Variants in VKORC1 observed in about 807,000 individuals in gnomAD.
The protein encoded by VKORC1 is phylloquinone epoxide reductase.
In VKORC1, 12 loss-of-function variants were observed where a neutral mutation model predicts 14.8. The ratio of observed to expected loss-of-function variants is 0.81; its 90% CI spans 0.52 to 1.31. The LOEUF is 1.31. VKORC1 is among the 50% of genes most tolerant of loss of function. The pLI is 0.00. For missense variants in VKORC1, 223 were observed against 215.3 expected, an observed-to-expected ratio of 1.04 and a Z score of -0.22; for synonymous variants, 94 against 92.5, an observed-to-expected ratio of 1.02 and a Z score of -0.09.
chr16:31,091,047 C>G lies in VKORC1; in HGVS notation c.*87G>C. 1 of 1,558,552 alleles carries G rather than the reference C, an allele frequency of 6.4e-7. No homozygotes were observed. The highest frequency in any genetic ancestry group is 1.2e-5 in the South Asian group (1 of 85,394). ...TAATCTAGAAGCCCCACATCTAGGG[C>G]CTTCTAGGGACCCAGATATGCCCCC... is the stretch of plus-strand genomic sequence containing the variant. On this transcript the variant is annotated 3_prime_UTR_variant, in exon 3 of 3. Transcript: ENST00000394975.
In VKORC1 at chr16:31,091,101, G is replaced by A; in HGVS notation, c.*33C>T. On this transcript the variant is annotated 3_prime_UTR_variant, in exon 3 of 3. Transcript: ENST00000394975. Reference sequence around the variant, plus strand: ...GGCAAGGCTCACATGCCAAAGCAAAGCAGATGAGGTCAGCCTGGCTTGGGT... The same window carrying A: ...GGCAAGGCTCACATGCCAAAGCAAAACAGATGAGGTCAGCCTGGCTTGGGT... 1 of 1,611,584 alleles carries A rather than the reference G, an allele frequency of 6.2e-7. No individual in the cohort carries two copies. The highest frequency in any genetic ancestry group is 8.5e-7 in the Non-Finnish European group (1 of 1,179,614).
At chr16:31,094,454 C>T in intron 1 of VKORC1, 103 bp downstream of exon 1, 1 of 1,612,934 alleles carries the variant, frequency 6.2e-7, no homozygotes, top group Non-Finnish European at 8.5e-7. Context: ...CAGTCCAGCC[C>T]CGTGTCCGTT....
intron 1 of VKORC1, chr16:31,094,228 C>A (rs756872930): frequency 1.2e-6 from 2 of 1,606,604 alleles, no homozygotes; most frequent in East Asian, 2.2e-5. Context: ...CCAACACCCC[C>A]CTTCACCTGC....
chr16:31,094,237 G>A, intron 1 of VKORC1: 1 of 1,607,606 alleles, frequency 6.2e-7, no homozygotes. Flanking sequence ...CCCTTCACCT[G>A]CGCGCCGTCC....
Position 31,091,297 on chromosome 16 carries a change from G to T in VKORC1, c.329C>A (p.Ser110Tyr). 6.2e-7 allele frequency: 1 copy of T among 1,614,152 alleles called. No individual in the cohort carries two copies. Among genetic ancestry groups the T allele is most frequent in the Non-Finnish European group, 8.5e-7 (1 of 1,180,034 alleles). Reference protein sequence around the residue: ...RWASVLMLLSSLVSLAGSVYL... With the variant: ...RWASVLMLLSYLVSLAGSVYL... ...GACAGAACCAGCGAGAGACACCAGG[G>T]AGCTCAGCAGCATCAGGACAGAGGC... is the stretch of plus-strand genomic sequence containing the variant. Residue 110 changes from serine (S) to tyrosine (Y), a missense_variant, in exon 3 of 3, where the codon TCC (serine) becomes TAC (tyrosine). Coordinates refer to ENST00000394975, the MANE Select transcript of VKORC1 (RefSeq NM_024006.6).
chr16:31,094,316 C>A, intron 1 of VKORC1: 1 of 1,612,978 alleles, frequency 6.2e-7, no homozygotes, highest in South Asian at 1.1e-5. Context: ...TATTCCTTGG[C>A]ATCCAATTCA....
intron 1 of VKORC1, chr16:31,094,118 C>T (rs1198345196): frequency 4.0e-6 from 6 of 1,511,042 alleles, no homozygotes; most frequent in Non-Finnish European, 5.3e-6. Context: ...CTCCAGCTCC[C>T]TGGCCACTCA....
Position 31,093,315 on chromosome 16 carries a change from A to G in VKORC1, c.280T>C (p.Leu94=), listed in dbSNP as rs765419325. The change falls in exon 2 of 3, where the codon TTA becomes CTA. Residue 94 remains leucine (L), a synonymous_variant. Transcript: ENST00000394975. ...GCIFYTLQLL[L]GCLRTRWASV... Reference sequence around the variant, plus strand: ...GGGAGGGGGCGGAGCCACTCACCTAACAATAGCTGTAGTGTGTAGAAGATG... The same window carrying G: ...GGGAGGGGGCGGAGCCACTCACCTAGCAATAGCTGTAGTGTGTAGAAGATG... 1 of 1,613,526 alleles carries G rather than the reference A, an allele frequency of 6.2e-7. No homozygotes were observed. The highest frequency in any genetic ancestry group is 2.2e-5 in the East Asian group (1 of 44,870).
At chr16:31,093,178 C>T (rs2057301058) in intron 2 of VKORC1, 134 bp downstream of exon 2, 3 of 941,430 alleles carry the variant, frequency 3.2e-6, no homozygotes, top group African/African-American at 1.6e-5. Context: ...TCCCCACCCG[C>T]AGGACGCTCC....
chr16:31,093,183 C>T, intron 2 of VKORC1, 129 bp downstream of exon 2: 1 of 975,922 alleles, frequency 1.0e-6, no homozygotes, highest in Non-Finnish European at 1.5e-6. Context: ...ACCCGCAGGA[C>T]GCTCCGTGAT....
Position 31,091,024 on chromosome 16 carries a change from A to G in VKORC1, c.*110T>C, listed in dbSNP as rs1303595586. ...GCGGGTATGGCAGGAGGAGGGGGTA[A>G]TCTAGAAGCCCCACATCTAGGGCCT... On this transcript the variant is annotated 3_prime_UTR_variant, in exon 3 of 3. Coordinates refer to ENST00000394975, the MANE Select transcript of VKORC1 (RefSeq NM_024006.6). The G allele has an allele frequency of 2.6e-6, 4 of 1,524,450 alleles. No individual in the cohort carries two copies. In the African/African-American group the frequency reaches 5.5e-5, roughly 21 times the overall value. 94.4% of individuals were successfully genotyped at this position (1,524,450 alleles called of 1,614,324 possible).
chr16:31,093,699 CTTTTTTTTTTTTTT>C lies in VKORC1; in HGVS notation c.174-292_174-279del, dbSNP rs71151446. On this transcript the variant is annotated intron_variant, in intron 1 of 2. Coordinates refer to ENST00000394975, the MANE Select transcript of VKORC1 (RefSeq NM_024006.6). ...TTCATCTTAGACCTTAAGTAAGTCT[CTTTTTTTTTTTTTT>C]TTTTTTTTTTTTTGAGACGGAGTCT... is the stretch of plus-strand genomic sequence containing the variant. 1.0e-3 allele frequency: 69 copies of C among 68,098 alleles called. 2 individuals carry two copies. Among genetic ancestry groups the C allele is most frequent in the African/African-American group, 4.4e-3 (60 of 13,554 alleles). 4.2% of individuals were successfully genotyped at this position (68,098 alleles called of 1,614,324 possible).
intron 1 of VKORC1, chr16:31,094,230 T>C (rs778587284): frequency 6.2e-7 from 1 of 1,606,680 alleles, no homozygotes; most frequent in Admixed American, 1.7e-5. Context: ...AACACCCCCC[T>C]TCACCTGCGC....
Position 31,094,702 on chromosome 16 carries a change from A to C in VKORC1, c.28T>G (p.Trp10Gly). 6.2e-7 allele frequency: 1 copy of C among 1,608,612 alleles called. No individual in the cohort carries two copies. The highest frequency in any genetic ancestry group is 8.5e-7 in the Non-Finnish European group (1 of 1,178,990). Residue 10 changes from tryptophan (W) to glycine (G), a missense_variant, in exon 1 of 3, where the codon TGG becomes GGG. Trp to Gly is a radical substitution (Grantham distance 184, BLOSUM62 -2). Coordinates refer to ENST00000394975, the MANE Select transcript of VKORC1 (RefSeq NM_024006.6). MGSTWGSPG[W>G]VRLALCLTGL... ...GTCAGGCAAAGAGCGAGCCGCACCC[A>C]GCCAGGGCTCCCCCAGGTGCTGCCC...
intron 1 of VKORC1, chr16:31,093,853 C>T: frequency 3.5e-6 from 1 of 287,218 alleles, no homozygotes; most frequent in Non-Finnish European, 6.7e-6. Flanking sequence ...GATTAAGGCA[C>T]CCGCCATAGC....
intron 2 of VKORC1, 114 bp downstream of exon 2, chr16:31,093,198 A>C: frequency 3.7e-6 from 4 of 1,094,296 alleles, no homozygotes; most frequent in Non-Finnish European, 4.0e-6. Context: ...CGTGATGAGC[A>C]GCTAGCTGGC....
intron 1 of VKORC1, chr16:31,093,695 G>GTTTTT: frequency 1.2e-5 from 1 of 83,092 alleles, no homozygotes; most frequent in South Asian, 2.1e-4. Flanking sequence ...CCTTAAGTAA[G>GTTTTT]TCTCTTTTTT....
chr16:31,091,356 G>A lies in VKORC1; in HGVS notation c.284-14C>T, dbSNP rs1207298563. 2.5e-6 allele frequency: 4 copies of A among 1,610,424 alleles called. No homozygotes were observed. The South Asian group carries it at 4.4e-5, about 18-fold the overall frequency. On this transcript the variant is annotated splice_polypyrimidine_tract_variant and intron_variant, in intron 2 of 2. Transcript: ENST00000394975. Reference sequence around the variant, plus strand: ...TCCGCAGGCAACCTGCAAGGCAGAAGAGGGTCCGGTGTGGGCTTCAGGCAC... The same window carrying A: ...TCCGCAGGCAACCTGCAAGGCAGAAAAGGGTCCGGTGTGGGCTTCAGGCAC...
rs928818958 is a variant in VKORC1, at chr16:31,090,960, A to G, written c.*174T>C. On this transcript the variant is annotated 3_prime_UTR_variant, in exon 3 of 3. Transcript: ENST00000394975. The stretch of plus-strand genomic sequence containing the variant: ...CAGAGTCAGAGGCACTGGGTGTAAA[A>G]AAGAGCGAGCGTGTGGCACATTTGG... 2.7e-6 allele frequency: 3 copies of G among 1,096,024 alleles called. No individual in the cohort carries two copies. Among genetic ancestry groups the G allele is most frequent in the Non-Finnish European group, 3.9e-6 (3 of 771,142 alleles). The allele number at this position is 1,096,024 out of a possible 1,614,324, so 67.9% of individuals were successfully genotyped here.
Sources: gnomAD v4.1 joint callset for allele counts on GRCh38, gnomAD v4.1.1 for gene constraint, MANE v1.5 for transcripts, NCBI Gene and HGNC (gene_info 2026-07-23, HGNC 2026-07-21) for gene names.